Variants in SYDE2 observed in about 807,000 individuals in gnomAD.
The protein encoded by SYDE2 is rho GTPase-activating protein SYDE2.
In SYDE2, 76 loss-of-function variants were observed where a neutral mutation model predicts 91.5. The ratio of observed to expected loss-of-function variants is 0.83; its 90% CI spans 0.69 to 1.01. SYDE2 has a LOEUF of 1.01. Among genes scored for constraint, SYDE2 ranks in the 50% least tolerant of loss-of-function variants. The pLI, the probability that SYDE2 is intolerant of heterozygous loss-of-function variation, is 0.00. For synonymous variants in SYDE2, 513 were observed against 506.4 expected (o/e 1.01, Z -0.18); for missense variants, 1,364 against 1,367.7 (o/e 1.00, Z 0.04).
At chr1:85,163,475 A>ATATATATATATATATG (rs1657150281) in intron 6 of SYDE2, among the ~76,000 whole-genome samples, 2 of 142,764 alleles carry the variant, frequency 1.4e-5, no homozygotes, top group Non-Finnish European at 3.0e-5. Flanking sequence ...ATATATATAT[A>ATATATATATATATATG]TATATAACAA....
chr1:85,163,631 T>A (rs1444067044), intron 6 of SYDE2, among the ~76,000 whole-genome samples: 1 of 151,584 alleles, frequency 6.6e-6, no homozygotes, highest in Non-Finnish European at 1.5e-5. Flanking sequence ...GAGGTTAAAG[T>A]TTTTGTCGTA....
At chr1:85,181,324 G>C (rs1439722684) in intron 3 of SYDE2, 1 of 151,928 alleles carries the variant, frequency 6.6e-6, no homozygotes, top group Non-Finnish European at 1.5e-5. Context: ...GCTAATTTTT[G>C]TATTTTTAGT....
At chr1:85,169,010 G>T in intron 5 of SYDE2, 34 bp downstream of exon 5, 1 of 1,593,934 alleles carries the variant, frequency 6.3e-7, no homozygotes, top group South Asian at 1.1e-5. Context: ...TCATTAACTG[G>T]CTTTCAGGAA....
chr1:85,156,607 A>G (rs2100638312), downstream of SYDE2, among the ~76,000 whole-genome samples: 1 of 152,274 alleles, frequency 6.6e-6, no homozygotes, highest in African/African-American at 2.4e-5. Flanking sequence ...TAACTCGGTG[A>G]TGAGACAACA....
intron 2 of SYDE2, among the ~76,000 whole-genome samples, chr1:85,188,115 A>C (rs1658224199): frequency 6.6e-6 from 1 of 151,924 alleles, no homozygotes; most frequent in African/African-American, 2.4e-5. Context: ...TTATCCTTAC[A>C]CTCTCTTGCC....
chr1:85,195,951 A>G (rs1256381663), intron 1 of SYDE2, among the ~76,000 whole-genome samples: 2 of 152,198 alleles, frequency 1.3e-5, no homozygotes, highest in African/African-American at 2.4e-5. Context: ...AACTTATCCA[A>G]GGTCACAAGC....
chr1:85,200,289 G>A lies in SYDE2; in HGVS notation c.708C>T (p.Val236=). Residue 236 remains valine (V), a synonymous_variant, in exon 1 of 7, where the codon GTC becomes GTT. Coordinates refer to ENST00000341460, the MANE Select transcript of SYDE2 (RefSeq NM_032184.2). ...VGALKVRENR[V]LSVPPDQRIT... is the part of the protein sequence containing the mutation. ...TTCTTTGGTCTGGAGGCACCGACAG[G>A]ACACGGTTTTCACGCACTTTCAAAG... 6.2e-7 allele frequency: 1 copy of A among 1,613,998 alleles called. No homozygotes were observed.
At chr1:85,179,522 G>A (rs1205862827) in intron 3 of SYDE2, among the ~76,000 whole-genome samples, 2 of 152,108 alleles carry the variant, frequency 1.3e-5, no homozygotes, top group East Asian at 3.8e-4. Context: ...GATAATGCAA[G>A]GTGCTGCTAC....
At chr1:85,181,959 G>T in intron 3 of SYDE2, 139 bp downstream of exon 3, 2 of 934,264 alleles carry the variant, frequency 2.1e-6, no homozygotes, top group Non-Finnish European at 3.1e-6. Context: ...ACCCTAAACA[G>T]TAATGGAATA....
intron 3 of SYDE2, among the ~76,000 whole-genome samples, chr1:85,179,791 G>A (rs1025127494): frequency 2.6e-5 from 4 of 152,130 alleles, no homozygotes; most frequent in African/African-American, 9.7e-5. Context: ...ACATTTAAGT[G>A]TCATAAAGTA....
At chr1:85,184,233 A>T (rs911553844) in intron 2 of SYDE2, among the ~76,000 whole-genome samples, 2 of 152,238 alleles carry the variant, frequency 1.3e-5, no homozygotes, top group African/African-American at 4.8e-5. Flanking sequence ...CTCAATATTT[A>T]GTGAATAAAT....
intron 4 of SYDE2, among the ~76,000 whole-genome samples, chr1:85,172,511 C>T (rs1354392673): frequency 1.3e-5 from 2 of 151,888 alleles, no homozygotes; most frequent in Non-Finnish European, 2.9e-5. Context: ...TGTTTCTAGG[C>T]AAGATGGAGC....
chr1:85,166,148 C>A (rs1657266505), intron 5 of SYDE2, among the ~76,000 whole-genome samples: 1 of 151,886 alleles, frequency 6.6e-6, no homozygotes, highest in Non-Finnish European at 1.5e-5. Flanking sequence ...CAAGACCAGC[C>A]TGGTCAACAT....
intron 2 of SYDE2, among the ~76,000 whole-genome samples, chr1:85,188,913 A>G (rs1658255565): frequency 6.6e-6 from 1 of 152,212 alleles, no homozygotes; most frequent in African/African-American, 2.4e-5. Flanking sequence ...TATACCCCAC[A>G]TCTTTAAATA....
chr1:85,190,235 GTCT>G lies in SYDE2; in HGVS notation c.1260_1262del (p.Glu420del), dbSNP rs1215533214. Reference sequence around the variant, plus strand: ...CTGCATGTTCGGAAGAGCACAGTGAGTCTTCAGTATGCCGCTCTGCTTTCATCA... The same window carrying G: ...CTGCATGTTCGGAAGAGCACAGTGAGTCAGTATGCCGCTCTGCTTTCATCA... On this transcript the variant is annotated inframe_deletion, in exon 2 of 7. Transcript: ENST00000341460. The G allele has an allele frequency of 2.0e-5, 32 of 1,613,770 alleles. No individual in the cohort carries two copies. Among genetic ancestry groups the G allele is most frequent in the Non-Finnish European group, 2.5e-5 (29 of 1,179,874 alleles).
intron 4 of SYDE2, among the ~76,000 whole-genome samples, chr1:85,172,593 TC>T (rs1657541370): frequency 6.6e-6 from 1 of 152,152 alleles, no homozygotes; most frequent in South Asian, 2.1e-4. Context: ...CAATACTATG[TC>T]TAAGACATTG....
intron 1 of SYDE2, among the ~76,000 whole-genome samples, chr1:85,193,769 T>C (rs1466400815): frequency 6.6e-6 from 1 of 151,994 alleles, no homozygotes; most frequent in African/African-American, 2.4e-5. Context: ...GACTACAGGC[T>C]TGCACCACCA....
downstream of SYDE2, chr1:85,153,377 A>T (rs1656815852): frequency 1.3e-5 from 2 of 152,232 alleles, no homozygotes; most frequent in South Asian, 4.1e-4. Context: ...AGACCTGTTG[A>T]TGGCTGGGAT....
Position 85,182,043 on chromosome 1 carries a change from C to T in SYDE2, c.2544+55G>A. 3 of 1,478,330 alleles carry T rather than the reference C, an allele frequency of 2.0e-6. No homozygotes were observed. In the South Asian group the frequency reaches 4.4e-5, roughly 21 times the overall value. 91.6% of individuals were successfully genotyped at this position (1,478,330 alleles called of 1,614,324 possible). A position where few individuals can be genotyped will look rare whatever the true frequency, so the allele number is the denominator to read the frequency against. The stretch of plus-strand genomic sequence containing the variant: ...TTACCTTGAATTTCTTCCCCCAAGA[C>T]TTACAATTAATCAATCAATAAAGGA... On this transcript the variant is annotated intron_variant, in intron 3 of 6. Coordinates refer to ENST00000341460, the MANE Select transcript of SYDE2 (RefSeq NM_032184.2).
Sources: gnomAD v4.1 joint callset for allele counts (sites outside exome capture counted in the v4.1 genomes callset) on GRCh38, gnomAD v4.1.1 for gene constraint, MANE v1.5 for transcripts, NCBI Gene and HGNC (gene_info 2026-07-23, HGNC 2026-07-21) for gene names.